Variants in RPL12 observed in about 807,000 individuals in gnomAD.
RPL12 encodes the protein ribosomal protein L12, also known as large ribosomal subunit protein uL11.
In RPL12, 10 loss-of-function variants were observed where a neutral mutation model predicts 24.5. The ratio of observed to expected loss-of-function variants is 0.41; its 90% confidence interval spans 0.25 to 0.69. The LOEUF is 0.69. RPL12 is among the 30% of genes least tolerant of loss of function. The probability of loss-of-function intolerance (pLI) is 0.33; values close to 1 mark genes in which losing one functional copy is unlikely to be tolerated. For synonymous variants in RPL12, 74 were observed against 76.1 expected (o/e 0.97, Z 0.14); for missense variants, 137 against 205.3 (o/e 0.67, Z 2.03).
At chr9:127,450,859 T>A (rs1834288167) in intron 1 of RPL12, 55 bp from the exon 2 acceptor site, 1 of 1,329,452 alleles carries the variant, frequency 7.5e-7, no homozygotes, top group African/African-American at 1.5e-5. Context: ...GCCACAGCCC[T>A]CTCAGCGTCT....
At position 127,447,870 on chromosome 9, in the gene RPL12, C is replaced by T; in HGVS notation, c.492+7G>A. ...ACCCCTACTGTAACAATGAAAATGTCACTTACGGCTGGGCATTCCACAGCA... is the reference window on the plus strand; with the variant it reads ...ACCCCTACTGTAACAATGAAAATGTTACTTACGGCTGGGCATTCCACAGCA... On this transcript the variant is annotated splice_region_variant and intron_variant, in intron 6 of 6. Transcript: ENST00000361436. 6.2e-7 allele frequency: 1 copy of T among 1,610,758 alleles called. No individual in the cohort carries two copies. Among genetic ancestry groups the T allele is most frequent in the South Asian group, 1.1e-5 (1 of 90,330 alleles).
Position 127,451,350 on chromosome 9 carries a change from T to G in RPL12, c.-33A>C, listed in dbSNP as rs772146167. ...GCGGCTGGTGTCGGATGAACCCGGA[T>G]TCGGGACGACCGAAGGAAGTTGCAC... On this transcript the variant is annotated 5_prime_UTR_variant, in exon 1 of 7. Coordinates refer to ENST00000361436, the MANE Select transcript of RPL12 (RefSeq NM_000976.4). 2 of 1,611,178 alleles carry G rather than the reference T, an allele frequency of 1.2e-6. No individual in the cohort carries two copies. Among genetic ancestry groups the G allele is most frequent in the East Asian group, 4.5e-5 (2 of 44,870 alleles).
chr9:127,450,597 TG>T lies in RPL12; in HGVS notation c.111+133del. The T allele has an allele frequency of 4.8e-6, 3 of 621,024 alleles. No homozygotes were observed. In the South Asian group the frequency reaches 6.5e-5, roughly 13 times the overall value. The allele number at this position is 621,024 out of a possible 1,614,324, so 38.5% of individuals were successfully genotyped here. On this transcript the variant is annotated intron_variant, in intron 2 of 6. Coordinates refer to ENST00000361436, the MANE Select transcript of RPL12 (RefSeq NM_000976.4). ...CGACCTTCCTAAGGTACCTAGTACTTGTTCAGTGGCTCAGGCCTACTGAGGG... is the reference window on the plus strand; with the variant it reads ...CGACCTTCCTAAGGTACCTAGTACTTTTCAGTGGCTCAGGCCTACTGAGGG...
chr9:127,449,097 T>A (rs1290700363), intron 4 of RPL12, 184 bp downstream of exon 4: 1 of 539,730 alleles, frequency 1.9e-6, no homozygotes, highest in Non-Finnish European at 3.4e-6. Context: ...AGTGCTGGGA[T>A]TACAGGTGTG....
rs527773567 is a variant in RPL12 at position 127,451,379 on chromosome 9, G to A, written c.-62C>T. The stretch of plus-strand genomic sequence containing the variant: ...GGACGACCGAAGGAAGTTGCACCTT[G>A]GCCTCCTCCGAGCCGAAAGCCGAGA... On this transcript the variant is annotated 5_prime_UTR_variant, in exon 1 of 7. Transcript: ENST00000361436. The A allele has an allele frequency of 4.7e-4, 746 of 1,602,774 alleles. 1 individual carries two copies. The highest frequency in any genetic ancestry group is 2.7e-3 in the Middle Eastern group (12 of 4,450).
intron 3 of RPL12, 42 bp downstream of exon 3, chr9:127,449,568 T>TC (rs1834234049): frequency 7.2e-6 from 11 of 1,536,430 alleles, no homozygotes; most frequent in Non-Finnish European, 9.9e-6. Flanking sequence ...TTGCTACCTG[T>TC]CCCCCCACCC....
At chr9:127,449,517 C>A in intron 3 of RPL12, 93 bp downstream of exon 3, 1 of 1,345,260 alleles carries the variant, frequency 7.4e-7, no homozygotes, top group African/African-American at 1.4e-5. Context: ...ACTCTCGGCT[C>A]ACCACTGGTG....
rs751061978 is a variant in RPL12, at chr9:127,451,331, G to A, written c.-14C>T. On this transcript the variant is annotated 5_prime_UTR_variant, in exon 1 of 7. Coordinates refer to ENST00000361436, the MANE Select transcript of RPL12 (RefSeq NM_000976.4). ...CTTCGGCGGCATGGTGGAGGCGGCT[G>A]GTGTCGGATGAACCCGGATTCGGGA... 13 of 1,612,064 alleles carry A rather than the reference G, an allele frequency of 8.1e-6. No homozygotes were observed. Among genetic ancestry groups the A allele is most frequent in the Non-Finnish European group, 8.5e-6 (10 of 1,179,952 alleles).
In RPL12 at chr9:127,451,334, G is replaced by A. The variant is rs1834308459; in HGVS notation, c.-17C>T. 3.1e-6 allele frequency: 5 copies of A among 1,611,866 alleles called. No homozygotes were observed. The highest frequency in any genetic ancestry group is 2.7e-5 in the African/African-American group (2 of 74,900). ...CGGCGGCATGGTGGAGGCGGCTGGT[G>A]TCGGATGAACCCGGATTCGGGACGA... On this transcript the variant is annotated 5_prime_UTR_variant, in exon 1 of 7. Transcript: ENST00000361436.
chr9:127,449,560 G>T, intron 3 of RPL12, 50 bp downstream of exon 3: 1 of 1,522,136 alleles, frequency 6.6e-7, no homozygotes, highest in Non-Finnish European at 9.1e-7. Context: ...CCAGAGGGTT[G>T]CTACCTGTCC....
chr9:127,448,295 C>A lies in RPL12; in HGVS notation c.379+42G>T, dbSNP rs1287873002. On this transcript the variant is annotated intron_variant, in intron 5 of 6. Coordinates refer to ENST00000361436, the MANE Select transcript of RPL12 (RefSeq NM_000976.4). The stretch of plus-strand genomic sequence containing the variant: ...AAGAATGTTATCACTCAGTGAAAAA[C>A]ACAACTACAGTTATGGCGGTTACAT... The A allele has an allele frequency of 7.4e-6, 11 of 1,478,974 alleles. No homozygotes were observed. In the Admixed American group the frequency reaches 8.4e-5, roughly 11 times the overall value. The allele number at this position is 1,478,974 out of a possible 1,614,324, so 91.6% of individuals were successfully genotyped here. A position where few individuals can be genotyped will look rare whatever the true frequency, so the allele number is the denominator to read the frequency against.
At chr9:127,451,249 C>T in intron 1 of RPL12, 32 bp downstream of exon 1, 1 of 1,609,992 alleles carries the variant, frequency 6.2e-7, no homozygotes, top group South Asian at 1.1e-5. Context: ...GATGCTCCAT[C>T]CCGCAGCCCC....
rs757910414 is a variant in RPL12, at chr9:127,451,261, G to C, written c.37+20C>G. ...AGGGATGCTCCATCCCGCAGCCCCG[G>C]CCACAACCAGAGCACGCACCGACTT... On this transcript the variant is annotated intron_variant, in intron 1 of 6. Transcript: ENST00000361436. 6 of 1,612,162 alleles carry C rather than the reference G, an allele frequency of 3.7e-6. No individual in the cohort carries two copies. The African/African-American group carries it at 8.0e-5, about 22-fold the overall frequency.
At chr9:127,448,545 A>C (rs1328632299) in intron 4 of RPL12, 122 bp from the exon 5 acceptor site, 1 of 789,378 alleles carries the variant, frequency 1.3e-6, no homozygotes. Context: ...CATGAAGAAC[A>C]ACCCTGTTTC....
intron 4 of RPL12, 23 bp downstream of exon 4, chr9:127,449,258 A>G (rs762382326): frequency 6.2e-7 from 1 of 1,603,986 alleles, no homozygotes; most frequent in Non-Finnish European, 8.5e-7. Context: ...TACCAAAACC[A>G]AACTAGGGAA....
intron 4 of RPL12, 188 bp downstream of exon 4, chr9:127,449,093 G>A: frequency 3.8e-6 from 2 of 528,758 alleles, no homozygotes; most frequent in East Asian, 3.4e-5. Context: ...TCCCAGTGCT[G>A]GGATTACAGG....
At position 127,449,659 on chromosome 9, in the gene RPL12, T is replaced by C. The variant is rs2131973850; in HGVS notation, c.161A>G (p.Lys54Arg). 4 of 1,614,146 alleles carry C rather than the reference T, an allele frequency of 2.5e-6. No individual in the cohort carries two copies. In the East Asian group the frequency reaches 8.9e-5, roughly 36 times the overall value. The stretch of plus-strand genomic sequence containing the variant: ...CAGTTTCACTGTAATCCTCAGGCCC[T>C]TCCAGTCACCCGTTGCCTTGGCAAT... ...DDIAKATGDW[K>R]GLRITVKLTI... is the part of the protein sequence containing the mutation. Residue 54 changes from lysine to arginine, a missense_variant, in exon 3 of 7, where the codon AAG (lysine) becomes AGG (arginine). Coordinates refer to ENST00000361436, the MANE Select transcript of RPL12 (RefSeq NM_000976.4).
At position 127,449,286 on chromosome 9, in the gene RPL12, T is replaced by C; in HGVS notation, c.287A>G (p.Lys96Arg). The C allele has an allele frequency of 6.2e-7, 1 of 1,612,488 alleles. No homozygotes were observed. Among genetic ancestry groups the C allele is most frequent in the South Asian group, 1.1e-5 (1 of 90,994 alleles). The change falls in exon 4 of 7, where the codon AAA (lysine) becomes AGA (arginine). Residue 96 changes from lysine (K) to arginine (R), a missense_variant. Transcript: ENST00000361436. ...CTAGGGAAAAGACAACTTACTGTTT[T>C]TCTGTTTCTTTCTGTCTCTTGGTGG... ...KEPPRDRKKQ[K>R]NIKHSGNITF...
At chr9:127,447,804 C>G (rs1420611135) in intron 6 of RPL12, 73 bp downstream of exon 6, 2 of 1,612,184 alleles carry the variant, frequency 1.2e-6, no homozygotes, top group East Asian at 4.5e-5. Flanking sequence ...TCCAAAACTT[C>G]CCAGCTTATC....
Sources: gnomAD v4.1 joint callset for allele counts on GRCh38, gnomAD v4.1.1 for gene constraint, MANE v1.5 for transcripts, NCBI Gene and HGNC (gene_info 2026-07-23, HGNC 2026-07-21) for gene names.